GPC5: variants seen among roughly 807,000 people sequenced by gnomAD.
GPC5 encodes the protein glypican-5.
In GPC5, 47 loss-of-function variants were observed where a neutral mutation model predicts 53.9. The ratio of observed to expected loss-of-function variants is 0.87; its 90% confidence interval spans 0.69 to 1.11. GPC5 has a LOEUF of 1.11. Ranked by LOEUF, GPC5 falls within the 50% of genes most tolerant of loss-of-function variation. The pLI is 0.00. For synonymous variants in GPC5, 286 were observed against 263.3 expected (o/e 1.09, Z -0.84); for missense variants, 748 against 713.1 (o/e 1.05, Z -0.56).
At chr13:92,655,459 T>C (rs902575112) in intron 7 of GPC5, among the ~76,000 whole-genome samples, 5 of 152,174 alleles carry the variant, frequency 3.3e-5, no homozygotes, top group African/African-American at 1.2e-4. Flanking sequence ...CTTAGCCTCC[T>C]GAGTAGCTGG....
At chr13:91,926,874 CTT>C in intron 6 of GPC5, among the ~76,000 whole-genome samples, 2 of 152,284 alleles carry the variant, frequency 1.3e-5, no homozygotes, top group South Asian at 4.1e-4. Flanking sequence ...TATTTGAACT[CTT>C]TCTCCACATT....
intron 7 of GPC5, among the ~76,000 whole-genome samples, chr13:92,593,225 AG>A (rs1386819209): frequency 1.3e-5 from 2 of 151,224 alleles, no homozygotes; most frequent in Non-Finnish European, 3.0e-5. Flanking sequence ...AGACATAAGG[AG>A]AAAAGATGAC....
intron 2 of GPC5, among the ~76,000 whole-genome samples, chr13:91,691,563 A>G (rs917116086): frequency 1.3e-5 from 2 of 152,184 alleles, no homozygotes; most frequent in Non-Finnish European, 2.9e-5. Context: ...TACGTACTCT[A>G]TTGAAACAGA....
At chr13:92,848,137 C>T (rs1878671902) in intron 7 of GPC5, among the ~76,000 whole-genome samples, 1 of 152,000 alleles carries the variant, frequency 6.6e-6, no homozygotes, top group South Asian at 2.1e-4. Flanking sequence ...CCTGCAGTGG[C>T]CTCTAATATG....
At chr13:92,652,238 C>T (rs1169073356) in intron 7 of GPC5, among the ~76,000 whole-genome samples, 1 of 152,058 alleles carries the variant, frequency 6.6e-6, no homozygotes, top group Non-Finnish European at 1.5e-5. Context: ...CTTCTTTTTG[C>T]TACCAAGCTT....
At chr13:91,985,880 T>A (rs2040402112) in intron 6 of GPC5, among the ~76,000 whole-genome samples, 1 of 152,054 alleles carries the variant, frequency 6.6e-6, no homozygotes, top group South Asian at 2.1e-4. Flanking sequence ...TGAAAATTCT[T>A]AGGGGATACA....
chr13:91,598,323 A>G (rs1238381749), intron 2 of GPC5, among the ~76,000 whole-genome samples: 1 of 109,392 alleles, frequency 9.1e-6, no homozygotes. Flanking sequence ...TTCTAGTAAA[A>G]TTGAAAAAAA....
intron 5 of GPC5, among the ~76,000 whole-genome samples, chr13:91,846,992 C>T (rs958722367): frequency 2.0e-5 from 3 of 151,716 alleles, no homozygotes; most frequent in Non-Finnish European, 2.9e-5. Flanking sequence ...GGCTGAGGTG[C>T]GCGGATCACT....
At chr13:91,474,931 A>C (rs1278773107) in intron 2 of GPC5, among the ~76,000 whole-genome samples, 2 of 152,182 alleles carry the variant, frequency 1.3e-5, no homozygotes, top group Non-Finnish European at 2.9e-5. Context: ...TAAGGATAAT[A>C]TATTAATGCT....
At chr13:92,838,217 G>T (rs1878287446) in intron 7 of GPC5, among the ~76,000 whole-genome samples, 1 of 151,980 alleles carries the variant, frequency 6.6e-6, no homozygotes, top group East Asian at 1.9e-4. Context: ...AGGCACGGTG[G>T]CTCACGCCTG....
chr13:91,576,095 C>T (rs990541315), intron 2 of GPC5, among the ~76,000 whole-genome samples: 1 of 151,960 alleles, frequency 6.6e-6, no homozygotes, highest in African/African-American at 2.4e-5. Flanking sequence ...TTACCAGAGG[C>T]TGAAGGATGG....
chr13:91,775,675 A>T (rs2037699641), intron 5 of GPC5, among the ~76,000 whole-genome samples: 1 of 152,162 alleles, frequency 6.6e-6, no homozygotes, highest in Non-Finnish European at 1.5e-5. Context: ...TCTTTATAAG[A>T]CTTGATCAAC....
chr13:92,792,394 C>G (rs1020986705), intron 7 of GPC5, among the ~76,000 whole-genome samples: 4 of 152,140 alleles, frequency 2.6e-5, no homozygotes, highest in Admixed American at 6.5e-5. Flanking sequence ...CTTACAAGAG[C>G]TCCTGAAGGA....
At chr13:91,677,742 C>T (rs118146153) in intron 2 of GPC5, among the ~76,000 whole-genome samples, 2 of 152,124 alleles carry the variant, frequency 1.3e-5, no homozygotes, top group Non-Finnish European at 1.5e-5. Flanking sequence ...AAAGTCATAT[C>T]TTTGAAATCA....
intron 2 of GPC5, among the ~76,000 whole-genome samples, chr13:91,632,056 C>A (rs1926661): frequency 0.84 from 128,292 of 152,092 alleles, 54,185 homozygotes; most frequent in East Asian, 0.99. Context: ...CCTCAGAAAG[C>A]CAACTGGTAC....
intron 6 of GPC5, chr13:91,996,258 G>A (rs1383396604): frequency 6.6e-6 from 1 of 152,236 alleles, no homozygotes; most frequent in Non-Finnish European, 1.5e-5. Context: ...GCAGGAAAGT[G>A]TTAGATCAGT....
chr13:92,525,843 T>C (rs1881260418), intron 7 of GPC5, among the ~76,000 whole-genome samples: 1 of 152,096 alleles, frequency 6.6e-6, no homozygotes, highest in Admixed American at 6.6e-5. Context: ...TATATACTCC[T>C]CTGTATCTAA....
intron 7 of GPC5, among the ~76,000 whole-genome samples, chr13:92,526,246 C>A (rs768148393): frequency 4.6e-5 from 7 of 151,948 alleles, no homozygotes; most frequent in Non-Finnish European, 4.4e-5. Context: ...TAATTAACAG[C>A]AATAAGAAAA....
chr13:91,887,070 C>T (rs915513464), intron 5 of GPC5, among the ~76,000 whole-genome samples: 1 of 152,166 alleles, frequency 6.6e-6, no homozygotes, highest in Non-Finnish European at 1.5e-5. Flanking sequence ...CCCCTGTGCC[C>T]CCCAACAGCA....
Sources: gnomAD v4.1 joint callset for allele counts (sites outside exome capture counted in the v4.1 genomes callset) on GRCh38, gnomAD v4.1.1 for gene constraint, MANE v1.5 for transcripts, NCBI Gene and HGNC (gene_info 2026-07-23, HGNC 2026-07-21) for gene names.